The following PDE1A variants were observed in gnomAD, a reference collection of about 807,000 sequenced individuals.
The protein encoded by PDE1A is phosphodiesterase 1A.
A neutral mutation model predicts 61.7 loss-of-function variants in PDE1A; 35 were observed. The observed-to-expected ratio is 0.57, with a 90% confidence interval of 0.43 to 0.75. The LOEUF (loss-of-function observed/expected upper bound fraction) is 0.75, where lower values mean the gene tolerates loss of function less well. Among genes scored for constraint, PDE1A ranks in the 30% least tolerant of loss-of-function variants. PDE1A has a pLI of 0.00. For synonymous variants in PDE1A, 232 were observed against 213.2 expected (o/e 1.09, Z -0.77); for missense variants, 597 against 630.6 (o/e 0.95, Z 0.57).
At chr2:182,653,425 G>T in the PDE1A span, among the ~76,000 whole-genome samples, 2 of 152,114 alleles carry the variant, frequency 1.3e-5, no homozygotes, top group Non-Finnish European at 2.9e-5. Flanking sequence ...AGGGGATGTG[G>T]TGTGTGGCAG....
intron 1 of PDE1A, among the ~76,000 whole-genome samples, chr2:182,377,707 A>C (rs1349892956): frequency 6.6e-6 from 1 of 152,218 alleles, no homozygotes; most frequent in African/African-American, 2.4e-5. Context: ...AAATGAAAAT[A>C]TGTGTCCACA....
intron 2 of PDE1A, among the ~76,000 whole-genome samples, chr2:182,244,379 A>C (rs1429601189): frequency 6.6e-6 from 1 of 151,310 alleles, no homozygotes; most frequent in Non-Finnish European, 1.5e-5. Flanking sequence ...AAAAAACTTT[A>C]AAGTATTTTA....
At chr2:182,680,282 C>T in the PDE1A span, among the ~76,000 whole-genome samples, 1 of 150,928 alleles carries the variant, frequency 6.6e-6, no homozygotes, top group East Asian at 2.0e-4. Flanking sequence ...GGCATGCTTA[C>T]AGCTCACTGC....
the PDE1A span, among the ~76,000 whole-genome samples, chr2:182,538,065 T>C: frequency 4.6e-5 from 7 of 152,314 alleles, no homozygotes; most frequent in African/African-American, 1.7e-4. Flanking sequence ...CTTTTTTCTA[T>C]GCCTTCAACA....
chr2:182,535,974 C>A, the PDE1A span, among the ~76,000 whole-genome samples: 1 of 152,164 alleles, frequency 6.6e-6, no homozygotes, highest in Non-Finnish European at 1.5e-5. Context: ...TAAATTTAGG[C>A]ACACTGAACA....
the PDE1A span, among the ~76,000 whole-genome samples, chr2:182,603,410 C>T: frequency 6.6e-6 from 1 of 152,110 alleles, no homozygotes; most frequent in African/African-American, 2.4e-5. Context: ...GCAGTGGCGC[C>T]GTCTCAGTTC....
the PDE1A span, among the ~76,000 whole-genome samples, chr2:182,567,868 C>T: frequency 6.7e-6 from 1 of 150,316 alleles, no homozygotes; most frequent in South Asian, 2.1e-4. Flanking sequence ...TTTTGACTCA[C>T]TGCAACCTCT....
chr2:182,326,508 G>C (rs973963644), intron 1 of PDE1A, among the ~76,000 whole-genome samples: 3 of 152,168 alleles, frequency 2.0e-5, no homozygotes, highest in Non-Finnish European at 4.4e-5. Flanking sequence ...TATACATGAG[G>C]TTCCTAGAAT....
At chr2:182,376,159 C>T (rs1367062760) in intron 1 of PDE1A, among the ~76,000 whole-genome samples, 1 of 152,222 alleles carries the variant, frequency 6.6e-6, no homozygotes, top group East Asian at 1.9e-4. Flanking sequence ...GTTACTTATG[C>T]AAATATCTGC....
chr2:182,153,352 G>A (rs905441949), intron 13 of PDE1A, among the ~76,000 whole-genome samples: 2 of 152,160 alleles, frequency 1.3e-5, no homozygotes, highest in African/African-American at 4.8e-5. Context: ...GAGGAGGTAC[G>A]GTGGAGCCTG....
At chr2:182,479,172 T>C (rs1287168921) in intron 2 of PDE1A, among the ~76,000 whole-genome samples, 2 of 151,934 alleles carry the variant, frequency 1.3e-5, no homozygotes, top group Non-Finnish European at 2.9e-5. Flanking sequence ...GAGCAGTCTA[T>C]ATAGAAAGTG....
chr2:182,532,162 C>G, the PDE1A span, among the ~76,000 whole-genome samples: 5 of 152,046 alleles, frequency 3.3e-5, no homozygotes, highest in African/African-American at 1.2e-4. Flanking sequence ...GAAATAAATT[C>G]TAGTGTTCTA....
the PDE1A span, among the ~76,000 whole-genome samples, chr2:182,590,872 C>T: frequency 6.6e-6 from 1 of 152,286 alleles, no homozygotes; most frequent in Admixed American, 6.5e-5. Flanking sequence ...ACTAGCGAAA[C>T]AACTCAGTTG....
chr2:182,686,889 G>A, the PDE1A span, among the ~76,000 whole-genome samples: 40 of 152,340 alleles, frequency 2.6e-4, no homozygotes, highest in East Asian at 1.9e-4. Flanking sequence ...TATATCCCGC[G>A]CATGGCTTGG....
At chr2:182,470,842 T>G (rs145098977) in intron 2 of PDE1A, among the ~76,000 whole-genome samples, 1 of 151,818 alleles carries the variant, frequency 6.6e-6, no homozygotes, top group Admixed American at 6.6e-5. Flanking sequence ...CAAGGAGCAT[T>G]AGGCTCAATC....
intron 2 of PDE1A, among the ~76,000 whole-genome samples, chr2:182,509,050 A>G (rs892120459): frequency 6.6e-6 from 1 of 150,460 alleles, no homozygotes; most frequent in African/African-American, 2.4e-5. Flanking sequence ...TATGAGTGAG[A>G]ATATGTGGTG....
chr2:182,273,430 A>G (rs1574218857), intron 1 of PDE1A, among the ~76,000 whole-genome samples: 6 of 151,866 alleles, frequency 4.0e-5, no homozygotes, highest in African/African-American at 1.4e-4. Context: ...TTTTAGGCAT[A>G]TGGCTAAGCC....
intron 1 of PDE1A, among the ~76,000 whole-genome samples, chr2:182,349,459 GTT>G (rs1365130770): frequency 6.6e-6 from 1 of 152,076 alleles, no homozygotes; most frequent in African/African-American, 2.4e-5. Context: ...ATTTTGTCAT[GTT>G]TTTTATTTTT....
At chr2:182,678,504 C>T in the PDE1A span, among the ~76,000 whole-genome samples, 2 of 151,980 alleles carry the variant, frequency 1.3e-5, no homozygotes, top group Non-Finnish European at 2.9e-5. Flanking sequence ...CTTTCCATTG[C>T]TTAATAACAT....
Sources: gnomAD v4.1 joint callset for allele counts (sites outside exome capture counted in the v4.1 genomes callset) on GRCh38, gnomAD v4.1.1 for gene constraint, MANE v1.5 for transcripts, NCBI Gene and HGNC (gene_info 2026-07-23, HGNC 2026-07-21) for gene names.